The following NOL4L variants were observed in gnomAD, a reference collection of about 807,000 sequenced individuals.
The protein encoded by NOL4L is nucleolar protein 4 like.
A neutral mutation model predicts 64.5 loss-of-function variants in NOL4L; 7 were observed. That is an observed-to-expected ratio of 0.11 (90% CI 0.06 to 0.20). NOL4L has a LOEUF of 0.20. Among genes scored for constraint, NOL4L ranks in the 10% least tolerant of loss-of-function variants. NOL4L has a pLI of 1.00. For synonymous variants in NOL4L, 413 were observed against 401.0 expected, an observed-to-expected ratio of 1.03 and a Z score of -0.36; for missense variants, 680 against 967.1, an observed-to-expected ratio of 0.70 and a Z score of 3.94.
At chr20:32,566,359 C>A (rs1979430150) in intron 1 of NOL4L, among the ~76,000 whole-genome samples, 1 of 152,140 alleles carries the variant, frequency 6.6e-6, no homozygotes, top group Non-Finnish European at 1.5e-5. Context: ...GTCTTCAAAC[C>A]CACTCAGCAC....
intron 1 of NOL4L, among the ~76,000 whole-genome samples, chr20:32,574,916 C>T (rs1979997211): frequency 6.6e-6 from 1 of 152,130 alleles, no homozygotes; most frequent in African/African-American, 2.4e-5. Flanking sequence ...CTAAACCACT[C>T]TTCCCACCCA....
chr20:32,479,079 G>A (rs775175044), intron 4 of NOL4L, among the ~76,000 whole-genome samples: 15 of 152,252 alleles, frequency 9.9e-5, no homozygotes, highest in Non-Finnish European at 2.1e-4. Flanking sequence ...GTTCATGGGT[G>A]TAAGCCCCCC....
rs1338126128 is a variant in NOL4L, at chr20:32,520,917, T to G, written c.483A>C (p.Ala161=). Residue 161 remains alanine (A), a synonymous_variant, in exon 3 of 11, where the codon GCA becomes GCC. Coordinates refer to ENST00000621426, the MANE Select transcript of NOL4L (RefSeq NM_001256798.2). Reference sequence around the variant, plus strand: ...CTCTCGGGAGGAAGGCATAGGTCTCTGCGATCTGGAGGAGAGAAGAGCTTC... The same window carrying G: ...CTCTCGGGAGGAAGGCATAGGTCTCGGCGATCTGGAGGAGAGAAGAGCTTC... The part of the protein sequence containing the change: ...AGQKKTYRAI[A]ETYAFLPREA... The G allele has an allele frequency of 6.5e-7, 1 of 1,548,400 alleles. No individual in the cohort carries two copies. The highest frequency in any genetic ancestry group is 1.2e-5 in the South Asian group (1 of 83,916).
chr20:32,555,062 T>C (rs1295021717), intron 1 of NOL4L, among the ~76,000 whole-genome samples: 3 of 152,190 alleles, frequency 2.0e-5, no homozygotes, highest in African/African-American at 7.2e-5. Flanking sequence ...CCCTGTACCC[T>C]GACCATGCTG....
chr20:32,568,689 C>T (rs1367643709), intron 1 of NOL4L, among the ~76,000 whole-genome samples: 2 of 152,226 alleles, frequency 1.3e-5, no homozygotes, highest in East Asian at 3.9e-4. Context: ...CGCCTGTGCC[C>T]CTGCCCGACC....
At chr20:32,466,530 C>T (rs1403789253) in intron 5 of NOL4L, among the ~76,000 whole-genome samples, 1 of 152,210 alleles carries the variant, frequency 6.6e-6, no homozygotes, top group African/African-American at 2.4e-5. Flanking sequence ...CAGCCAATCC[C>T]TGGAAGGCTT....
chr20:32,524,892 G>A (rs1215695097), intron 2 of NOL4L, among the ~76,000 whole-genome samples: 1 of 152,236 alleles, frequency 6.6e-6, no homozygotes, highest in Non-Finnish European at 1.5e-5. Context: ...GGAGGAGAAG[G>A]GGAAAAGGAG....
intron 5 of NOL4L, among the ~76,000 whole-genome samples, chr20:32,473,871 C>T (rs2015200621): frequency 6.6e-6 from 1 of 152,220 alleles, no homozygotes; most frequent in Non-Finnish European, 1.5e-5. Context: ...TGCTGGGGTG[C>T]TGTGCTCACA....
intron 4 of NOL4L, among the ~76,000 whole-genome samples, chr20:32,478,842 A>G (rs1427339512): frequency 6.6e-6 from 1 of 152,230 alleles, no homozygotes; most frequent in East Asian, 1.9e-4. Flanking sequence ...TTGGCCTCCC[A>G]AAGTGCTGGG....
At chr20:32,522,754 G>C (rs1266381038) in intron 2 of NOL4L, among the ~76,000 whole-genome samples, 2 of 152,228 alleles carry the variant, frequency 1.3e-5, no homozygotes, top group Admixed American at 1.3e-4. Context: ...GCAGAGCAGA[G>C]GGCTGTGGCT....
rs146668971 is a variant in NOL4L at position 32,521,069 on chromosome 20, G to A, written c.478-147C>T. 1.6e-3 allele frequency: 894 copies of A among 543,362 alleles called. 8 individuals are homozygous for A. Among genetic ancestry groups the A allele is most frequent in the African/African-American group, 0.014 (702 of 51,922 alleles). The allele number at this position is 543,362 out of a possible 1,614,324, so 33.7% of individuals were successfully genotyped here. On this transcript the variant is annotated intron_variant, in intron 2 of 10. Transcript: ENST00000621426. ...TTGAGGAGCAAGGGACAGGTGTCCT[G>A]GATTCTCAGCTGTGGCAATGAGACA...
intron 1 of NOL4L, among the ~76,000 whole-genome samples, chr20:32,572,715 CT>C (rs1314827107): frequency 6.6e-6 from 1 of 152,180 alleles, no homozygotes; most frequent in East Asian, 1.9e-4. Context: ...TCAAGGCCCC[CT>C]CTCCTCCAGA....
In NOL4L at chr20:32,560,729, C is replaced by T. The variant is rs566622738; in HGVS notation, c.321+23841G>A. On this transcript the variant is annotated intron_variant, in intron 1 of 10. Transcript: ENST00000621426. ...GGATTTGGTGGAGTGGGTTTCAACC[C>T]AGCCCTCCAGAACCTGTGCGCCAAA... Among the ~76,000 whole-genome samples the T allele has an allele frequency of 3.3e-5, 5 of 152,344 alleles. No individual in the cohort carries two copies. The East Asian group carries it at 9.6e-4, about 29-fold the overall frequency.
At chr20:32,457,672 C>T (rs530663047) in intron 5 of NOL4L, among the ~76,000 whole-genome samples, 32 of 152,280 alleles carry the variant, frequency 2.1e-4, no homozygotes, top group African/African-American at 7.7e-4. Flanking sequence ...CGGCGCAGTG[C>T]ACCCCTCCCC....
chr20:32,546,649 G>T (rs1412915067), intron 1 of NOL4L, among the ~76,000 whole-genome samples: 2 of 151,932 alleles, frequency 1.3e-5, no homozygotes, highest in African/African-American at 4.8e-5. Flanking sequence ...GATCAGGCTG[G>T]TCTCAAACTC....
In NOL4L at chr20:32,453,188, T is replaced by A; in HGVS notation, c.1497+116A>T. ...ATTTGCAAACCAGGGATTATGGTAC[T>A]TGCTTCCAGGGCTCCTGGGAAGACC... On this transcript the variant is annotated intron_variant, in intron 8 of 10. Coordinates refer to ENST00000621426, the MANE Select transcript of NOL4L (RefSeq NM_001256798.2). This position sits in a 1 kb window ranked among gnomAD's most constrained non-coding sequence, Gnocchi z 5.6. 1.1e-5 allele frequency: 16 copies of A among 1,431,566 alleles called. No homozygotes were observed. Among genetic ancestry groups the A allele is most frequent in the Non-Finnish European group, 1.5e-5 (16 of 1,057,068 alleles). The allele number at this position is 1,431,566 out of a possible 1,614,324, so 88.7% of individuals were successfully genotyped here.
chr20:32,462,517 G>T (rs1037040688), intron 5 of NOL4L, among the ~76,000 whole-genome samples: 1 of 152,100 alleles, frequency 6.6e-6, no homozygotes, highest in Non-Finnish European at 1.5e-5. Context: ...CCAGGAGAAC[G>T]CGCCTGTCAC....
chr20:32,518,820 G>T (rs1007559519), intron 3 of NOL4L, among the ~76,000 whole-genome samples: 1 of 152,232 alleles, frequency 6.6e-6, no homozygotes, highest in Admixed American at 6.5e-5. Context: ...CAGCCCATCT[G>T]CAGGTACCAA....
At chr20:32,520,098 C>T (rs2017861848) in intron 3 of NOL4L, 1 of 152,136 alleles carries the variant, frequency 6.6e-6, no homozygotes, top group Admixed American at 6.5e-5. Flanking sequence ...TCCTGGCTAA[C>T]ATGGTGAAAC....
Sources: gnomAD v4.1 joint callset for allele counts (sites outside exome capture counted in the v4.1 genomes callset) on GRCh38, gnomAD v4.1.1 for gene constraint, Gnocchi (gnomAD v3.1) non-coding constraint, MANE v1.5 for transcripts, NCBI Gene and HGNC (gene_info 2026-07-23, HGNC 2026-07-21) for gene names.